Variants in PCDH7 observed in about 807,000 individuals in gnomAD.
The protein encoded by PCDH7 is protocadherin 7.
PCDH7 carries 17 observed loss-of-function variants against 58.9 expected under a neutral mutation model. The observed-to-expected ratio is 0.29, with a 90% CI of 0.20 to 0.43. PCDH7 has a LOEUF of 0.43. Among genes scored for constraint, PCDH7 ranks in the 20% least tolerant of loss-of-function variants. The probability of loss-of-function intolerance (pLI) is 1.00; values close to 1 mark genes in which losing one functional copy is unlikely to be tolerated. For missense variants in PCDH7, 1,274 were observed against 1,441.0 expected (o/e 0.88, Z 1.88); for synonymous variants, 664 against 616.4 (o/e 1.08, Z -1.14).
intron 1 of PCDH7, among the ~76,000 whole-genome samples, chr4:30,752,478 C>T (rs1718661059): frequency 1.3e-5 from 2 of 152,178 alleles, no homozygotes; most frequent in South Asian, 4.2e-4. Flanking sequence ...TCTTTTTATC[C>T]CTGAACCTGA....
chr4:31,011,846 G>A (rs1175282231), intron 3 of PCDH7, among the ~76,000 whole-genome samples: 1 of 151,622 alleles, frequency 6.6e-6, no homozygotes, highest in Non-Finnish European at 1.5e-5. Context: ...TTTTAATACA[G>A]CATTCCTATA....
chr4:31,026,180 C>T (rs61792947), intron 3 of PCDH7, among the ~76,000 whole-genome samples: 7,047 of 152,256 alleles, frequency 0.046, 418 homozygotes, highest in East Asian at 0.3. Context: ...AACATTTTCT[C>T]CCTTTATACC....
At chr4:30,895,059 T>G (rs1250870153) in intron 1 of PCDH7, among the ~76,000 whole-genome samples, 1 of 151,878 alleles carries the variant, frequency 6.6e-6, no homozygotes, top group Non-Finnish European at 1.5e-5. Context: ...TATCCTTTCT[T>G]TACGAAATTT....
chr4:30,957,203 C>A (rs1381991548), intron 3 of PCDH7, among the ~76,000 whole-genome samples: 1 of 152,116 alleles, frequency 6.6e-6, no homozygotes, highest in Non-Finnish European at 1.5e-5. Flanking sequence ...GTTAACCAGA[C>A]TTAACCATCA....
chr4:31,064,536 G>A (rs953641972), intron 3 of PCDH7, among the ~76,000 whole-genome samples: 7 of 151,930 alleles, frequency 4.6e-5, no homozygotes, highest in African/African-American at 1.4e-4. Context: ...GCAAGGCCAC[G>A]ATCCCTTCAG....
intron 3 of PCDH7, among the ~76,000 whole-genome samples, chr4:31,031,737 A>G (rs115761745): frequency 0.028 from 4,304 of 152,312 alleles, 198 homozygotes; most frequent in African/African-American, 0.098. Context: ...AGTGTAAGGA[A>G]TTAAAAGGGC....
At chr4:31,004,124 C>T (rs1752574151) in intron 3 of PCDH7, among the ~76,000 whole-genome samples, 1 of 152,046 alleles carries the variant, frequency 6.6e-6, no homozygotes, top group Non-Finnish European at 1.5e-5. Flanking sequence ...TCCTGTTATC[C>T]AGTGGCTAGG....
chr4:31,114,311 A>T (rs138110229), intron 3 of PCDH7, among the ~76,000 whole-genome samples: 3 of 152,262 alleles, frequency 2.0e-5, no homozygotes, highest in African/African-American at 7.2e-5. Flanking sequence ...GTAAATAATA[A>T]ATCAGCATAT....
intron 3 of PCDH7, among the ~76,000 whole-genome samples, chr4:31,057,293 A>G (rs1757336813): frequency 1.3e-5 from 2 of 152,180 alleles, no homozygotes; most frequent in African/African-American, 4.8e-5. Flanking sequence ...TCTTCAAAAT[A>G]AAGTCATCAT....
chr4:31,054,739 T>C (rs1757012577), intron 3 of PCDH7, among the ~76,000 whole-genome samples: 1 of 152,226 alleles, frequency 6.6e-6, no homozygotes. Context: ...TGATGAAAGA[T>C]GCCAAACAGG....
intron 3 of PCDH7, among the ~76,000 whole-genome samples, chr4:31,083,260 A>AT (rs993126967): frequency 2.0e-5 from 3 of 152,168 alleles, no homozygotes; most frequent in African/African-American, 2.4e-5. Context: ...TTGAAATAAA[A>AT]TTTTTTTAAA....
At chr4:31,128,071 G>T (rs551611745) in intron 3 of PCDH7, among the ~76,000 whole-genome samples, 1 of 149,598 alleles carries the variant, frequency 6.7e-6, no homozygotes, top group Non-Finnish European at 1.5e-5. Flanking sequence ...GTATATATGT[G>T]TGTGTATATA....
At chr4:31,026,888 T>C (rs1754479643) in intron 3 of PCDH7, among the ~76,000 whole-genome samples, 1 of 152,220 alleles carries the variant, frequency 6.6e-6, no homozygotes, top group African/African-American at 2.4e-5. Flanking sequence ...ATTGCCTCAG[T>C]TGATCTATAA....
At chr4:31,130,775 T>C (rs1031083334) in intron 3 of PCDH7, among the ~76,000 whole-genome samples, 8 of 152,178 alleles carry the variant, frequency 5.3e-5, no homozygotes, top group African/African-American at 1.9e-4. Context: ...AGTGCAGTCT[T>C]TCTCACATCA....
chr4:30,736,793 C>T (rs1354403058), downstream of PCDH7, among the ~76,000 whole-genome samples: 1 of 152,050 alleles, frequency 6.6e-6, no homozygotes, highest in Non-Finnish European at 1.5e-5. Flanking sequence ...GCCTCGGCCT[C>T]CCAAAGTGCT....
chr4:30,802,922 G>T (rs1487368256), intron 1 of PCDH7, among the ~76,000 whole-genome samples: 1 of 152,126 alleles, frequency 6.6e-6, no homozygotes, highest in Non-Finnish European at 1.5e-5. Context: ...GAGGAGGAGA[G>T]CAAACAGATG....
intron 3 of PCDH7, among the ~76,000 whole-genome samples, chr4:31,070,167 T>G (rs1006816558): frequency 1.3e-5 from 2 of 152,064 alleles, no homozygotes; most frequent in African/African-American, 4.8e-5. Context: ...ATATGAAATA[T>G]GCATGTGTGT....
chr4:31,114,535 C>T (rs1197127503), intron 3 of PCDH7, among the ~76,000 whole-genome samples: 1 of 151,936 alleles, frequency 6.6e-6, no homozygotes. Context: ...TTTTTAGGCC[C>T]TCCATGAAAT....
intron 2 of PCDH7, among the ~76,000 whole-genome samples, chr4:30,944,050 A>G (rs1183183444): frequency 1.3e-5 from 2 of 152,076 alleles, no homozygotes; most frequent in African/African-American, 4.8e-5. Context: ...TTAAGCTGGC[A>G]GTTCTTAAAG....
Sources: gnomAD v4.1 joint callset for allele counts (sites outside exome capture counted in the v4.1 genomes callset) on GRCh38, gnomAD v4.1.1 for gene constraint, MANE v1.5 for transcripts, NCBI Gene and HGNC (gene_info 2026-07-23, HGNC 2026-07-21) for gene names.